Variants in PRDM16 observed in about 807,000 individuals in gnomAD.
PRDM16 encodes the protein histone-lysine N-methyltransferase PRDM16.
PRDM16 carries 23 observed loss-of-function variants against 110.6 expected under a neutral mutation model. The observed-to-expected ratio is 0.21, with a 90% CI of 0.15 to 0.29. The LOEUF is 0.29. PRDM16 is among the 10% of genes least tolerant of loss of function. PRDM16 has a pLI of 1.00. For synonymous variants in PRDM16, 799 were observed against 781.8 expected, an observed-to-expected ratio of 1.02 and a Z score of -0.37; for missense variants, 1,615 against 1,794.3, an observed-to-expected ratio of 0.90 and a Z score of 1.81.
chr1:3,404,701 G>A (rs1643530099), intron 6 of PRDM16, 38 bp from the exon 7 acceptor site: 3 of 1,609,448 alleles, frequency 1.9e-6, no homozygotes, highest in Admixed American at 1.7e-5. Context: ...CAGAGGGCAG[G>A]TAGTCGGGCC....
intron 3 of PRDM16, among the ~76,000 whole-genome samples, chr1:3,378,480 C>T (rs1296238532): frequency 6.6e-6 from 1 of 152,154 alleles, no homozygotes; most frequent in African/African-American, 2.4e-5. Flanking sequence ...CTGGAGAGCA[C>T]ACGGGGCAGC....
chr1:3,406,788 G>A (rs1033328699), intron 8 of PRDM16, among the ~76,000 whole-genome samples: 2 of 152,166 alleles, frequency 1.3e-5, no homozygotes, highest in Non-Finnish European at 1.5e-5. Flanking sequence ...CCAGGGCCGG[G>A]TCCAAGGGGC....
chr1:3,431,410 C>T (rs562115553), intron 15 of PRDM16, among the ~76,000 whole-genome samples: 4 of 152,178 alleles, frequency 2.6e-5, no homozygotes, highest in Admixed American at 1.3e-4. Flanking sequence ...AGCAGAGCTG[C>T]CTGTCAGCCT....
intron 3 of PRDM16, among the ~76,000 whole-genome samples, chr1:3,268,478 C>T (rs1350999900): frequency 1.3e-5 from 2 of 152,126 alleles, no homozygotes; most frequent in South Asian, 2.1e-4. Context: ...GCAGGGCGGC[C>T]GGGGAGGGCA....
intron 1 of PRDM16, among the ~76,000 whole-genome samples, chr1:3,161,398 G>A (rs574010670): frequency 7.9e-5 from 12 of 152,304 alleles, no homozygotes; most frequent in African/African-American, 1.7e-4. Context: ...GTCAAAGGAC[G>A]GCATTTCCTC....
intron 3 of PRDM16, among the ~76,000 whole-genome samples, chr1:3,322,305 C>T (rs998390337): frequency 1.3e-5 from 2 of 152,140 alleles, no homozygotes; most frequent in African/African-American, 4.8e-5. Flanking sequence ...CGAGGGGAAA[C>T]AGGCCCGGAA....
Position 3,425,477 on chromosome 1 carries a change from G to A in PRDM16, c.2940-104G>A, listed in dbSNP as rs1330639635. ...GACACGGCGGGGCAAAGCTGTGCAC[G>A]GGGCACGGGGCAGGGGCGCGGGCTC... is the stretch of plus-strand genomic sequence containing the variant. On this transcript the variant is annotated intron_variant, in intron 12 of 16. Transcript: ENST00000270722. This position sits in a 1 kb window ranked among gnomAD's most constrained non-coding sequence, Gnocchi z 6.9. 2.1e-5 allele frequency: 26 copies of A among 1,268,188 alleles called. No homozygotes were observed. The highest frequency in any genetic ancestry group is 1.6e-4 in the South Asian group (11 of 70,246). The allele number at this position is 1,268,188 out of a possible 1,614,324, so 78.6% of individuals were successfully genotyped here. A position where few individuals can be genotyped will look rare whatever the true frequency, so the allele number is the denominator to read the frequency against.
At chr1:3,349,114 A>G (rs1321689984) in intron 3 of PRDM16, among the ~76,000 whole-genome samples, 1 of 152,202 alleles carries the variant, frequency 6.6e-6, no homozygotes, top group Admixed American at 6.5e-5. Flanking sequence ...CCAGGAGTCA[A>G]TGCATTTCTG....
intron 2 of PRDM16, among the ~76,000 whole-genome samples, chr1:3,240,900 C>CT (rs1167613432): frequency 3.9e-5 from 6 of 152,326 alleles, no homozygotes; most frequent in African/African-American, 9.6e-5. Flanking sequence ...TCAGACCTCG[C>CT]TTTTTTTGGC....
chr1:3,402,989 A>C lies in PRDM16; in HGVS notation c.875A>C (p.Asn292Thr), dbSNP rs369442806. The C allele has an allele frequency of 6.2e-7, 1 of 1,603,738 alleles. No individual in the cohort carries two copies. Among genetic ancestry groups the C allele is most frequent in the Non-Finnish European group, 8.5e-7 (1 of 1,176,924 alleles). Residue 292 changes from asparagine to threonine, a missense_variant, in exon 6 of 17, where the codon AAC becomes ACC. Physicochemically the swap from Asn to Thr is moderately conservative, Grantham distance 65. This residue lies in a region of PRDM16 where 416 missense variants were observed against 467.1 expected (regional missense o/e 0.89). Transcript: ENST00000270722. ...ECKDCERMFP[N>T]KYSLEQHMVI... Reference sequence around the variant, plus strand: ...AAGGACTGCGAGCGGATGTTCCCCAACAAGTACAGGTGCCACGCCCTCCTC... The same window carrying C: ...AAGGACTGCGAGCGGATGTTCCCCACCAAGTACAGGTGCCACGCCCTCCTC...
chr1:3,216,544 C>T lies in PRDM16; in HGVS notation c.388-27543C>T, dbSNP rs563762912. On this transcript the variant is annotated intron_variant, in intron 2 of 16. Transcript: ENST00000270722. ...TCAGATGCCCCCGGTGGCTGTCCCC[C>T]GCCGAACCAGGCCTAGTTGTCACAT... is the stretch of plus-strand genomic sequence containing the variant. 7.9e-5 allele frequency among the ~76,000 whole-genome samples: 12 copies of T among 152,322 alleles called. No individual in the cohort carries two copies. The East Asian group carries it at 1.2e-3, about 15-fold the overall frequency.
chr1:3,126,166 G>A (rs536721794), intron 1 of PRDM16, among the ~76,000 whole-genome samples: 16 of 152,328 alleles, frequency 1.1e-4, no homozygotes, highest in Non-Finnish European at 1.9e-4. Flanking sequence ...TTGTGGGCCC[G>A]GGCGCCGCTG....
rs148244549 is a variant in PRDM16 at position 3,077,639 on chromosome 1, A to T, written c.37+8343A>T. The stretch of plus-strand genomic sequence containing the variant: ...CTCCTCCAATCAGCCAGGCAGTCAG[A>T]TGGGGAGTTTTGTTTTTATCTCCTT... On this transcript the variant is annotated intron_variant, in intron 1 of 16. Coordinates refer to ENST00000270722, the MANE Select transcript of PRDM16 (RefSeq NM_022114.4). Among the ~76,000 whole-genome samples, 183 of 152,234 alleles carry T rather than the reference A, an allele frequency of 1.2e-3. No individual in the cohort carries two copies. The Middle Eastern group carries it at 0.014, about 11-fold the overall frequency.
chr1:3,110,097 G>T (rs113078896), intron 1 of PRDM16, among the ~76,000 whole-genome samples: 11 of 116,768 alleles, frequency 9.4e-5, no homozygotes, highest in Middle Eastern at 6.8e-3. Flanking sequence ...GGACACAGTG[G>T]CTGTGGCTCC....
intron 9 of PRDM16, 49 bp downstream of exon 9, chr1:3,412,849 C>A: frequency 1.4e-6 from 2 of 1,380,672 alleles, no homozygotes; most frequent in Non-Finnish European, 1.9e-6. Context: ...GGGGCCGCGG[C>A]GGTGCTGGGC....
At chr1:3,086,506 T>G (rs1270465681) in intron 1 of PRDM16, among the ~76,000 whole-genome samples, 1 of 152,018 alleles carries the variant, frequency 6.6e-6, no homozygotes, top group Non-Finnish European at 1.5e-5. Context: ...GCCTCCTCCC[T>G]CCGCTACTGG....
intron 1 of PRDM16, among the ~76,000 whole-genome samples, chr1:3,156,812 T>C (rs1643863489): frequency 6.6e-6 from 1 of 152,100 alleles, no homozygotes; most frequent in South Asian, 2.1e-4. Context: ...CTTTTAGCTC[T>C]TCGAGGGGGG....
chr1:3,234,145 G>A (rs982624488), intron 2 of PRDM16, among the ~76,000 whole-genome samples: 1 of 152,160 alleles, frequency 6.6e-6, no homozygotes, highest in African/African-American at 2.4e-5. Flanking sequence ...ACCCGGGCAT[G>A]GGACTGTCGT....
intron 2 of PRDM16, chr1:3,237,878 C>G (rs1439350450): frequency 6.6e-6 from 1 of 152,320 alleles, no homozygotes; most frequent in African/African-American, 2.4e-5. Flanking sequence ...GAGAAAATCA[C>G]TGGGCGTGCA....
Sources: gnomAD v4.1 joint callset for allele counts (sites outside exome capture counted in the v4.1 genomes callset) on GRCh38, gnomAD v4.1.1 for gene constraint, gnomAD v4.1.1 regional missense constraint, Gnocchi (gnomAD v3.1) non-coding constraint, MANE v1.5 for transcripts, NCBI Gene and HGNC (gene_info 2026-07-23, HGNC 2026-07-21) for gene names.